The following AHNAK variants were observed in gnomAD, a reference collection of about 807,000 sequenced individuals.
The protein encoded by AHNAK is neuroblast differentiation-associated protein AHNAK.
In AHNAK, 23 loss-of-function variants were observed where a neutral mutation model predicts 37.8. The ratio of observed to expected loss-of-function variants is 0.61; its 90% CI spans 0.44 to 0.86. The LOEUF (loss-of-function observed/expected upper bound fraction) is 0.86. AHNAK is among the 40% of genes least tolerant of loss of function. The pLI is 0.00. For synonymous variants in AHNAK, 2,481 were observed against 2,636.3 expected (o/e 0.94, Z 1.80); for missense variants, 7,411 against 7,319.4 (o/e 1.01, Z -0.46).
chr11:62,519,866 T>G lies in AHNAK; in HGVS notation c.14551A>C (p.Ile4851Leu), dbSNP rs1278015468. ...TTCAAATCCAGGTCAACATCAGGTA[T>G]GGAGATCTTGGGAGCTTTGATATTT... ...EINIKAPKIS[I>L]PDVDLDLKGP... Residue 4851 changes from isoleucine to leucine, a missense_variant, in exon 5 of 5, where the codon ATA becomes CTA. Ile to Leu is a conservative substitution (Grantham distance 5). Transcript: ENST00000378024. 1.4e-5 allele frequency: 23 copies of G among 1,614,042 alleles called. No individual in the cohort carries two copies. Among genetic ancestry groups the G allele is most frequent in the Non-Finnish European group, 1.9e-5 (23 of 1,180,026 alleles).
chr11:62,526,562 T>C lies in AHNAK; in HGVS notation c.7855A>G (p.Lys2619Glu), dbSNP rs1165543535. Residue 2619 changes from lysine to glutamate, a missense_variant, in exon 5 of 5, where the codon AAA (lysine) becomes GAA (glutamate). By Grantham distance (56) the Lys-to-Glu change is moderately conservative. Coordinates refer to ENST00000378024, the MANE Select transcript of AHNAK (RefSeq NM_001620.3). ...KGPEVDIKGP[K>E]VDINAPDVGV... The stretch of plus-strand genomic sequence containing the variant: ...ACATCTGGGGCATTAATATCCACTT[T>C]GGGCCCCTTGATGTCAACTTCGGGG... The C allele has an allele frequency of 5.0e-6, 8 of 1,612,598 alleles. No homozygotes were observed. Among genetic ancestry groups the C allele is most frequent in the Non-Finnish European group, 5.1e-6 (6 of 1,179,702 alleles).
At chr11:62,543,234 G>C (rs967177356) in intron 1 of AHNAK, among the ~76,000 whole-genome samples, 3 of 152,190 alleles carry the variant, frequency 2.0e-5, no homozygotes, top group African/African-American at 7.2e-5. Flanking sequence ...GACATGTCCA[G>C]GACCGAGAAA....
chr11:62,498,871 G>A (rs1939662184), intron 4 of AHNAK, among the ~76,000 whole-genome samples: 1 of 152,170 alleles, frequency 6.6e-6, no homozygotes, highest in South Asian at 2.1e-4. Context: ...TATTCATTAG[G>A]ATTGAAAGTA....
At chr11:62,460,361 C>G (rs1469279762) in intron 5 of AHNAK, among the ~76,000 whole-genome samples, 1 of 152,046 alleles carries the variant, frequency 6.6e-6, no homozygotes, top group African/African-American at 2.4e-5. Context: ...ATGACCATGT[C>G]CACAGGAAGG....
chr11:62,519,011 T>A lies in AHNAK; in HGVS notation c.15406A>T (p.Ile5136Phe), dbSNP rs978740829. Residue 5136 changes from isoleucine to phenylalanine, a missense_variant, in exon 5 of 5, where the codon ATC (isoleucine) becomes TTC (phenylalanine). Transcript: ENST00000378024. ...LPAIHVEGLDIKAKAPKVKMP... is the reference protein window; with the variant it reads ...LPAIHVEGLDFKAKAPKVKMP... ...TTGACCTTGGGAGCCTTCGCCTTGA[T>A]GTCAAGACCTTCGACGTGAATCGCT... 5 of 1,613,886 alleles carry A rather than the reference T, an allele frequency of 3.1e-6. No homozygotes were observed. Among genetic ancestry groups the A allele is most frequent in the Non-Finnish European group, 4.2e-6 (5 of 1,179,916 alleles).
At chr11:62,512,521 T>C (rs569284790), downstream of AHNAK, among the ~76,000 whole-genome samples, 1 of 152,308 alleles carries the variant, frequency 6.6e-6, no homozygotes, top group East Asian at 1.9e-4. The surrounding 1 kb of genome is among the most constrained non-coding windows in gnomAD (Gnocchi z 4.0). Context: ...TGTCTCTTTA[T>C]TAGGTCTCTC....
rs1402009159 is a variant in AHNAK at position 62,523,246 on chromosome 11, G to A, written c.11171C>T (p.Ser3724Leu). ...IDTPDINIEG[S>L]EGKFKGPKFK... Reference sequence around the variant, plus strand: ...TTTGGGTCCCTTGAATTTACCCTCTGAGCCTTCGATGTTAATGTCAGGAGT... The same window carrying A: ...TTTGGGTCCCTTGAATTTACCCTCTAAGCCTTCGATGTTAATGTCAGGAGT... The change falls in exon 5 of 5, where the codon TCA becomes TTA. Residue 3724 changes from serine to leucine, a missense_variant. Ser to Leu is a moderately radical substitution (Grantham distance 145). Transcript: ENST00000378024. 1.9e-6 allele frequency: 3 copies of A among 1,613,574 alleles called. No individual in the cohort carries two copies. Among genetic ancestry groups the A allele is most frequent in the African/African-American group, 2.7e-5 (2 of 74,752 alleles).
chr11:62,464,116 C>T (rs985304840), intron 5 of AHNAK, among the ~76,000 whole-genome samples: 3 of 151,302 alleles, frequency 2.0e-5, no homozygotes, highest in Admixed American at 6.6e-5. Flanking sequence ...CAGCCTCAAC[C>T]ACCCTGGCCC....
In AHNAK at chr11:62,531,853, T is replaced by C; in HGVS notation, c.2564A>G (p.Lys855Arg). ...SEIKVPDVEL[K>R]SAKMDIDVPD... ...GACATCAATGTCCATTTTGGCACTT[T>C]TAAGTTCAACATCAGGAACTTTAAT... is the stretch of plus-strand genomic sequence containing the variant. The change falls in exon 5 of 5, where the codon AAA becomes AGA. Residue 855 changes from lysine (K) to arginine (R), a missense_variant. Lys to Arg is a conservative substitution (Grantham distance 26, BLOSUM62 2). Coordinates refer to ENST00000378024, the MANE Select transcript of AHNAK (RefSeq NM_001620.3). The C allele has an allele frequency of 1.2e-6, 2 of 1,613,846 alleles. No homozygotes were observed. Among genetic ancestry groups the C allele is most frequent in the Non-Finnish European group, 1.7e-6 (2 of 1,179,996 alleles).
At chr11:62,495,528 C>T (rs1309858971) in intron 4 of AHNAK, among the ~76,000 whole-genome samples, 2 of 151,392 alleles carry the variant, frequency 1.3e-5, no homozygotes, top group South Asian at 2.1e-4. Flanking sequence ...GTCAGGAGAT[C>T]GAGACCAGCC....
intron 5 of AHNAK, among the ~76,000 whole-genome samples, chr11:62,455,866 C>CAA (rs528335539): frequency 5.2e-5 from 7 of 134,586 alleles, no homozygotes; most frequent in African/African-American, 1.1e-4. Context: ...TCCATCCCCC[C>CAA]AAAAAAAAAA....
At position 62,519,765 on chromosome 11, in the gene AHNAK, A is replaced by C; in HGVS notation, c.14652T>G (p.Asp4884Glu). The C allele has an allele frequency of 6.2e-7, 1 of 1,613,054 alleles. No individual in the cohort carries two copies. Among genetic ancestry groups the C allele is most frequent in the Non-Finnish European group, 8.5e-7 (1 of 1,179,484 alleles). Residue 4884 changes from aspartate (D) to glutamate (E), a missense_variant, in exon 5 of 5, where the codon GAT (aspartate) becomes GAG (glutamate). Asp to Glu is a conservative substitution (Grantham distance 45). Coordinates refer to ENST00000378024, the MANE Select transcript of AHNAK (RefSeq NM_001620.3). ...VEGTLKGPEV[D>E]LKGPRLDFEG... is the part of the protein sequence containing the mutation. The stretch of plus-strand genomic sequence containing the variant: ...CGAAATCCAGACGTGGACCTTTAAG[A>C]TCTACTTCTGGGCCTTTCAAAGTCC...
rs771277299 is a variant in AHNAK at position 62,524,003 on chromosome 11, G to C, written c.10414C>G (p.Leu3472Val). The change falls in exon 5 of 5, where the codon CTG becomes GTG. Residue 3472 changes from leucine to valine, a missense_variant. Physicochemically the swap from Leu to Val is conservative, Grantham distance 32 (BLOSUM62 1). Coordinates refer to ENST00000378024, the MANE Select transcript of AHNAK (RefSeq NM_001620.3). ...DVDVHGPDWN[L>V]KMPKMKMPKF... ...GGCATTTTCATCTTGGGCATTTTCA[G>C]ATTCCAGTCTGGACCATGAACATCC... The C allele has an allele frequency of 6.2e-7, 1 of 1,614,100 alleles. No homozygotes were observed. Among genetic ancestry groups the C allele is most frequent in the Non-Finnish European group, 8.5e-7 (1 of 1,180,026 alleles).
chr11:62,518,660 C>T lies in AHNAK; in HGVS notation c.15757G>A (p.Ala5253Thr). Residue 5253 changes from alanine (A) to threonine (T), a missense_variant, in exon 5 of 5, where the codon GCC (alanine) becomes ACC (threonine). By Grantham distance (58) the Ala-to-Thr change is moderately conservative (BLOSUM62 0). Transcript: ENST00000378024. ...GAGGGTAGCTGGGCATGGACCTCGGCTCCCCCACCCTCCATTTTCACACCT... is the reference window on the plus strand; with the variant it reads ...GAGGGTAGCTGGGCATGGACCTCGGTTCCCCCACCCTCCATTTTCACACCT... Reference protein sequence around the residue: ...IPGVKMEGGGAEVHAQLPSLE... With the variant: ...IPGVKMEGGGTEVHAQLPSLE... 1 of 1,614,176 alleles carries T rather than the reference C, an allele frequency of 6.2e-7. No homozygotes were observed. The highest frequency in any genetic ancestry group is 1.3e-5 in the African/African-American group (1 of 75,058).
intron 4 of AHNAK, among the ~76,000 whole-genome samples, chr11:62,495,247 C>T (rs1389047025): frequency 6.6e-6 from 1 of 152,018 alleles, no homozygotes; most frequent in East Asian, 1.9e-4. Flanking sequence ...ACACTCTAAA[C>T]ACTAAACCAT....
chr11:62,434,019 A>C, intron 5 of AHNAK: 2 of 1,202,118 alleles, frequency 1.7e-6, no homozygotes, highest in Non-Finnish European at 2.3e-6. Flanking sequence ...AGGGCATCCA[A>C]ACAAATGCTT....
intron 5 of AHNAK, among the ~76,000 whole-genome samples, chr11:62,451,255 C>A (rs2071575306): frequency 6.6e-6 from 1 of 150,856 alleles, no homozygotes; most frequent in South Asian, 2.1e-4. Context: ...AAGACCAGAG[C>A]AAAATGTCGG....
chr11:62,475,307 A>AG (rs1396560164), intron 5 of AHNAK, among the ~76,000 whole-genome samples: 3 of 151,906 alleles, frequency 2.0e-5, no homozygotes, highest in Non-Finnish European at 4.4e-5. Context: ...TTGTCTCAAA[A>AG]AAAAGGTGGG....
intron 4 of AHNAK, among the ~76,000 whole-genome samples, chr11:62,504,507 T>C (rs563852383): frequency 9.2e-5 from 14 of 152,242 alleles, no homozygotes; most frequent in African/African-American, 2.9e-4. Flanking sequence ...TGAGCCGAAC[T>C]TGCAATCTTA....
Sources: gnomAD v4.1 joint callset for allele counts (sites outside exome capture counted in the v4.1 genomes callset) on GRCh38, gnomAD v4.1.1 for gene constraint, Gnocchi (gnomAD v3.1) non-coding constraint, MANE v1.5 for transcripts, NCBI Gene and HGNC (gene_info 2026-07-23, HGNC 2026-07-21) for gene names.